The following ITGBL1 variants were observed in gnomAD, a reference collection of about 807,000 sequenced individuals.
The protein encoded by ITGBL1 is integrin beta-like protein 1.
Under a neutral mutation model 68.5 loss-of-function variants are expected in ITGBL1, and 51 were observed. The observed-to-expected ratio is 0.74, with a 90% confidence interval of 0.59 to 0.94. The LOEUF is 0.94. ITGBL1 is among the 40% of genes least tolerant of loss of function. The pLI, the probability that ITGBL1 is intolerant of heterozygous loss-of-function variation, is 0.00. For synonymous variants in ITGBL1, 209 were observed against 227.3 expected, an observed-to-expected ratio of 0.92 and a Z score of 0.72; for missense variants, 649 against 647.4, an observed-to-expected ratio of 1.00 and a Z score of -0.03.
rs537743331 is a variant in ITGBL1, at chr13:101,650,290, G to T, written c.1016-42295G>T. ...TAGGAAGAATATTAAGTTAGTTTGTGTTTAAATGAACTAATTGTTTTGCAA... is the reference window on the plus strand; with the variant it reads ...TAGGAAGAATATTAAGTTAGTTTGTTTTTAAATGAACTAATTGTTTTGCAA... On this transcript the variant is annotated intron_variant, in intron 7 of 10. Transcript: ENST00000376180. 2.6e-5 allele frequency among the ~76,000 whole-genome samples: 4 copies of T among 152,186 alleles called. No homozygotes were observed. In the South Asian group the frequency reaches 8.3e-4, roughly 32 times the overall value.
intron 6 of ITGBL1, among the ~76,000 whole-genome samples, chr13:101,588,693 TA>T (rs3063720): frequency 0.1 from 15,427 of 147,562 alleles, 1,346 homozygotes; most frequent in African/African-American, 0.24. Context: ...ATTTGTCTAT[TA>T]AAAAAAAAAA....
intron 2 of ITGBL1, among the ~76,000 whole-genome samples, chr13:101,471,798 C>T (rs1014595271): frequency 2.0e-5 from 3 of 151,850 alleles, no homozygotes; most frequent in African/African-American, 7.2e-5. Flanking sequence ...CCAAACATCA[C>T]TGGGCAAAAG....
chr13:101,698,426 T>C (rs1413542701), intron 8 of ITGBL1, among the ~76,000 whole-genome samples: 3 of 152,204 alleles, frequency 2.0e-5, no homozygotes, highest in Non-Finnish European at 4.4e-5. Context: ...TGAAGGTGAA[T>C]GTAACTAATT....
intron 7 of ITGBL1, among the ~76,000 whole-genome samples, chr13:101,606,172 T>TATATATATATATA (rs1566754927): frequency 6.2e-4 from 37 of 60,100 alleles, no homozygotes; most frequent in African/African-American, 3.0e-3. Context: ...CTATTAGGAT[T>TATATATATATATA]TTTATATATA....
rs2048203994 is a variant in ITGBL1 at position 101,454,072 on chromosome 13, C to G, written c.288C>G (p.Cys96Trp). 3.2e-6 allele frequency: 5 copies of G among 1,584,254 alleles called. No homozygotes were observed. The highest frequency in any genetic ancestry group is 2.3e-5 in the East Asian group (1 of 43,256). The change falls in exon 2 of 11, where the codon TGC becomes TGG. Residue 96 changes from cysteine to tryptophan, a missense_variant. Transcript: ENST00000376180. ...GPLCECHEWV[C>W]ETYDGSTCAG... is the part of the protein sequence containing the mutation. ...TGTGTGAGTGCCATGAGTGGGTGTG[C>G]GAGACCTACGACGGGAGCACCTGTG... is the stretch of plus-strand genomic sequence containing the variant.
intron 7 of ITGBL1, among the ~76,000 whole-genome samples, chr13:101,628,128 T>A (rs1294557254): frequency 6.6e-6 from 1 of 152,244 alleles, no homozygotes; most frequent in East Asian, 1.9e-4. Context: ...GTGTTCTGGA[T>A]TTGAGCCATT....
At chr13:101,692,815 A>G in intron 8 of ITGBL1, 114 bp downstream of exon 8, 1 of 737,526 alleles carries the variant, frequency 1.4e-6, no homozygotes, top group South Asian at 1.6e-5. Flanking sequence ...ATAAACAGAA[A>G]GCAATATACC....
At chr13:101,454,452 C>T (rs1417676031) in intron 2 of ITGBL1, among the ~76,000 whole-genome samples, 1 of 147,714 alleles carries the variant, frequency 6.8e-6, no homozygotes, top group Non-Finnish European at 1.5e-5. Context: ...TCCTGAGCTT[C>T]CCAAAGTGTT....
At chr13:101,701,212 C>T (rs1054514774) in intron 8 of ITGBL1, among the ~76,000 whole-genome samples, 6 of 152,078 alleles carry the variant, frequency 3.9e-5, no homozygotes, top group African/African-American at 9.7e-5. Flanking sequence ...AACTTAACTT[C>T]GTGGAAGGAT....
chr13:101,691,602 A>C (rs887730027), intron 7 of ITGBL1, among the ~76,000 whole-genome samples: 19 of 152,190 alleles, frequency 1.2e-4, no homozygotes, highest in Non-Finnish European at 2.6e-4. Flanking sequence ...TCACCCAAGC[A>C]AATTTCTGGC....
chr13:101,637,278 G>A (rs2032199922), intron 7 of ITGBL1, among the ~76,000 whole-genome samples: 1 of 151,482 alleles, frequency 6.6e-6, no homozygotes, highest in African/African-American at 2.4e-5. Context: ...TACTTGAAAT[G>A]TCAAGTATGG....
chr13:101,560,681 A>G (rs1023133247), intron 2 of ITGBL1, among the ~76,000 whole-genome samples: 6 of 152,232 alleles, frequency 3.9e-5, no homozygotes, highest in Non-Finnish European at 7.4e-5. Context: ...ATCCCTCTGT[A>G]TGCTGTTTTA....
chr13:101,582,645 G>A (rs972059740), intron 5 of ITGBL1, among the ~76,000 whole-genome samples: 1 of 151,860 alleles, frequency 6.6e-6, no homozygotes, highest in Non-Finnish European at 1.5e-5. Context: ...TGCACCTCAG[G>A]GTCCCTATGC....
intron 7 of ITGBL1, among the ~76,000 whole-genome samples, chr13:101,619,761 T>A (rs1414745146): frequency 6.6e-6 from 1 of 152,144 alleles, no homozygotes; most frequent in East Asian, 1.9e-4. Flanking sequence ...TTTGAAAAGC[T>A]TTTTTACAAA....
intron 3 of ITGBL1, among the ~76,000 whole-genome samples, chr13:101,571,124 C>T (rs1245639991): frequency 6.6e-6 from 1 of 152,104 alleles, no homozygotes; most frequent in Non-Finnish European, 1.5e-5. Flanking sequence ...TTCTTGTTTT[C>T]TCCATTCCAT....
intron 7 of ITGBL1, among the ~76,000 whole-genome samples, chr13:101,619,350 C>T (rs1258678404): frequency 6.6e-6 from 1 of 151,440 alleles, no homozygotes; most frequent in Non-Finnish European, 1.5e-5. Flanking sequence ...TCACAAGGGC[C>T]CTTACAAGTG....
At chr13:101,683,823 G>A (rs2033696409) in intron 7 of ITGBL1, among the ~76,000 whole-genome samples, 1 of 151,944 alleles carries the variant, frequency 6.6e-6, no homozygotes, top group South Asian at 2.1e-4. Context: ...TGAATAAGAG[G>A]AGGAGTATCT....
At chr13:101,706,194 A>G (rs1474082297) in intron 8 of ITGBL1, among the ~76,000 whole-genome samples, 1 of 152,222 alleles carries the variant, frequency 6.6e-6, no homozygotes, top group Non-Finnish European at 1.5e-5. Context: ...ACATGAATCC[A>G]AGCTAATGTT....
intron 2 of ITGBL1, among the ~76,000 whole-genome samples, chr13:101,474,610 T>C (rs755533405): frequency 1.3e-5 from 2 of 152,094 alleles, no homozygotes; most frequent in Non-Finnish European, 2.9e-5. Flanking sequence ...GCTATGAGCC[T>C]TGGGTGAGAC....
Sources: gnomAD v4.1 joint callset for allele counts (sites outside exome capture counted in the v4.1 genomes callset) on GRCh38, gnomAD v4.1.1 for gene constraint, MANE v1.5 for transcripts, NCBI Gene and HGNC (gene_info 2026-07-23, HGNC 2026-07-21) for gene names.